Variants in RNF213 observed in about 807,000 individuals in gnomAD.
RNF213 encodes the protein ring finger protein 213, also known as E3 ubiquitin-protein ligase RNF213.
RNF213 carries 341 observed loss-of-function variants against 514.4 expected under a neutral mutation model. The ratio of observed to expected loss-of-function variants is 0.66; its 90% CI spans 0.61 to 0.73. The LOEUF (loss-of-function observed/expected upper bound fraction) is 0.73. Among genes scored for constraint, RNF213 ranks in the 30% least tolerant of loss-of-function variants. The pLI, the probability that RNF213 is intolerant of heterozygous loss-of-function variation, is 0.00. For synonymous variants in RNF213, 2,655 were observed against 2,658.2 expected, an observed-to-expected ratio of 1.00 and a Z score of 0.04; for missense variants, 5,767 against 6,615.6, an observed-to-expected ratio of 0.87 and a Z score of 4.45.
At chr17:80,298,294 C>T (rs1381459326) in intron 10 of RNF213, 27 bp from the exon 11 acceptor site, 1 of 1,612,142 alleles carries the variant, frequency 6.2e-7, no homozygotes, top group Non-Finnish European at 8.5e-7. Context: ...CAGCTCAGCT[C>T]ACTGCGGGAT....
At chr17:80,294,074 C>T (rs1245596239) in intron 8 of RNF213, among the ~76,000 whole-genome samples, 1 of 152,188 alleles carries the variant, frequency 6.6e-6, no homozygotes, top group South Asian at 2.1e-4. Context: ...CTTCACGTGG[C>T]CTCTGACCCT....
intron 57 of RNF213, 84 bp from the exon 58 acceptor site, chr17:80,382,895 A>T: frequency 1.2e-6 from 1 of 824,276 alleles, no homozygotes; most frequent in Non-Finnish European, 2.1e-6. Context: ...TATTTCTATT[A>T]AACACTTATT....
At position 80,294,273 on chromosome 17, in the gene RNF213, CTG is replaced by C. The variant is rs371342247; in HGVS notation, c.1472-443_1472-442del. Reference sequence around the variant, plus strand: ...GGCAGCCTGCACCTTCCTCCAGGGGCTGTGTCCCGTTCCTAGTACAGAGGAAA... The same window carrying C: ...GGCAGCCTGCACCTTCCTCCAGGGGCTGTCCCGTTCCTAGTACAGAGGAAA... On this transcript the variant is annotated intron_variant, in intron 8 of 67. Transcript: ENST00000582970. Among the ~76,000 whole-genome samples, 22 of 152,314 alleles carry C rather than the reference CTG, an allele frequency of 1.4e-4. No homozygotes were observed. The East Asian group carries it at 2.9e-3, about 20-fold the overall frequency.
intron 39 of RNF213, 120 bp from the exon 40 acceptor site, chr17:80,362,982 T>G: frequency 1.0e-6 from 1 of 966,254 alleles, no homozygotes. Context: ...CGGGACAGAA[T>G]AGCACACATG....
chr17:80,387,944 A>AT (rs2080304723), intron 63 of RNF213, among the ~76,000 whole-genome samples: 1 of 145,350 alleles, frequency 6.9e-6, no homozygotes, highest in Admixed American at 7.0e-5. Context: ...GAACTGTGAG[A>AT]GCCCATGGAT....
In RNF213 at chr17:80,354,067, G is replaced by A. The variant is rs1037621436; in HGVS notation, c.10627G>A (p.Ala3543Thr). 6 of 1,614,016 alleles carry A rather than the reference G, an allele frequency of 3.7e-6. No homozygotes were observed. The highest frequency in any genetic ancestry group is 3.3e-4 in the Middle Eastern group (2 of 6,062). Reference protein sequence around the residue: ...TRLLRSCVQSAVGMLRDQNES... With the variant: ...TRLLRSCVQSTVGMLRDQNES... ...GCTGCTGAGAAGCTGTGTGCAGAGC[G>A]CCGTGGGCATGCTCAGAGACCAGAA... is the stretch of plus-strand genomic sequence containing the variant. Residue 3543 changes from alanine (A) to threonine (T), a missense_variant, in exon 35 of 68, where the codon GCC (alanine) becomes ACC (threonine). Ala to Thr is a moderately conservative substitution (Grantham distance 58, BLOSUM62 0). Transcript: ENST00000582970.
intron 38 of RNF213, 80 bp downstream of exon 38, chr17:80,360,286 G>C: frequency 6.8e-7 from 1 of 1,475,350 alleles, no homozygotes; most frequent in Non-Finnish European, 9.3e-7. Context: ...GCAGATGGGT[G>C]GCTAGAATTG....
At chr17:80,293,614 G>T (rs1024834288) in intron 8 of RNF213, among the ~76,000 whole-genome samples, 3 of 151,902 alleles carry the variant, frequency 2.0e-5, no homozygotes, top group African/African-American at 7.2e-5. Context: ...ACGAGGTCAG[G>T]AGATCAAGAC....
intron 55 of RNF213, 120 bp downstream of exon 55, chr17:80,379,834 G>C: frequency 1.2e-6 from 1 of 821,624 alleles, no homozygotes. Flanking sequence ...ATGTGGGCCT[G>C]TGTCATATTG....
chr17:80,359,962 T>C, intron 37 of RNF213, 99 bp from the exon 38 acceptor site: 1 of 1,301,992 alleles, frequency 7.7e-7, no homozygotes, highest in Non-Finnish European at 1.1e-6. Flanking sequence ...CCCTTTGTTT[T>C]TGAGGTCTGA....
At position 80,393,577 on chromosome 17, in the gene RNF213, G is replaced by C; in HGVS notation, c.*79G>C. ...TCGTCTGCGGCGTGGACTTGATCATGGACTGGTGCCTTTGCATTCAGAAGG... is the reference window on the plus strand; with the variant it reads ...TCGTCTGCGGCGTGGACTTGATCATCGACTGGTGCCTTTGCATTCAGAAGG... On this transcript the variant is annotated 3_prime_UTR_variant, in exon 68 of 68. Transcript: ENST00000582970. 6.7e-7 allele frequency: 1 copy of C among 1,485,070 alleles called. No homozygotes were observed. The highest frequency in any genetic ancestry group is 9.3e-7 in the Non-Finnish European group (1 of 1,073,174). The allele number at this position is 1,485,070 out of a possible 1,614,324, so 92.0% of individuals were successfully genotyped here. A position where few individuals can be genotyped will look rare whatever the true frequency, so the allele number is the denominator to read the frequency against.
At chr17:80,287,483 C>T (rs1384631755) in intron 3 of RNF213, among the ~76,000 whole-genome samples, 1 of 152,192 alleles carries the variant, frequency 6.6e-6, no homozygotes, top group African/African-American at 2.4e-5. Context: ...TCCTGGGCGA[C>T]AGAGGGAGAC....
intron 3 of RNF213, among the ~76,000 whole-genome samples, chr17:80,281,526 TG>T (rs2044287456): frequency 4.0e-5 from 1 of 24,838 alleles, no homozygotes; most frequent in African/African-American, 1.3e-4. Flanking sequence ...AACACACACA[TG>T]CCCCACTCAT....
chr17:80,369,759 T>G lies in RNF213; in HGVS notation c.12326-9T>G. Reference sequence around the variant, plus strand: ...ATGCAGTGAGCTGCCTTTTTCTTTCTGGTTTAAGGACACTGTGAACACACA... The same window carrying G: ...ATGCAGTGAGCTGCCTTTTTCTTTCGGGTTTAAGGACACTGTGAACACACA... On this transcript the variant is annotated splice_polypyrimidine_tract_variant and intron_variant, in intron 45 of 67. Coordinates refer to ENST00000582970, the MANE Select transcript of RNF213 (RefSeq NM_001256071.3). 6.2e-7 allele frequency: 1 copy of G among 1,613,504 alleles called. No homozygotes were observed. The highest frequency in any genetic ancestry group is 1.7e-5 in the Admixed American group (1 of 60,024).
chr17:80,364,446 C>T lies in RNF213; in HGVS notation c.11764C>T (p.Arg3922Trp), dbSNP rs762914898. ...CTCTTTTGACAGAGCCCAGTGGAGT[C>T]GGATTTTCTCCACCGCACTCTTCGT... The part of the protein sequence containing the change: ...VIREVRAQWS[R>W]IFSTALFVEH... The change falls in exon 42 of 68, where the codon CGG becomes TGG. Residue 3922 changes from arginine (R) to tryptophan (W), a missense_variant. This residue lies in a region of RNF213 where 355 missense variants were observed against 358.0 expected (regional missense o/e 0.99). Transcript: ENST00000582970. The T allele has an allele frequency of 8.1e-6, 13 of 1,614,126 alleles. No homozygotes were observed. The highest frequency in any genetic ancestry group is 4.5e-5 in the East Asian group (2 of 44,888).
Position 80,273,326 on chromosome 17 carries a change from G to A in RNF213, c.183G>A (p.Pro61=), listed in dbSNP as rs146974744. The A allele has an allele frequency of 8.1e-6, 13 of 1,613,444 alleles. No homozygotes were observed. Among genetic ancestry groups the A allele is most frequent in the African/African-American group, 8.0e-5 (6 of 74,914 alleles). Residue 61 remains proline, a synonymous_variant, in exon 3 of 68, where the codon CCG becomes CCA. Coordinates refer to ENST00000582970, the MANE Select transcript of RNF213 (RefSeq NM_001256071.3). ...CGQELKEEGG[P]CLFPGSDSWQ... ...AGGAGCTGAAGGAGGAAGGGGGCCC[G>A]TGCTTGTTCCCGGGCTCAGACAGTT...
At chr17:80,337,506 C>G in intron 23 of RNF213, 80 bp from the exon 24 acceptor site, 1 of 1,497,036 alleles carries the variant, frequency 6.7e-7, no homozygotes, top group Non-Finnish European at 8.9e-7. Flanking sequence ...GAGGCAGAGG[C>G]GGGAGGCCGA....
intron 11 of RNF213, among the ~76,000 whole-genome samples, chr17:80,302,347 A>G (rs2045209760): frequency 1.3e-5 from 2 of 152,208 alleles, no homozygotes; most frequent in Non-Finnish European, 2.9e-5. Context: ...TGTACACATT[A>G]TACACTGTAT....
At chr17:80,363,017 T>G (rs2079112545) in intron 39 of RNF213, 85 bp from the exon 40 acceptor site, 3 of 1,279,938 alleles carry the variant, frequency 2.3e-6, no homozygotes, top group Non-Finnish European at 3.3e-6. Flanking sequence ...CTTTTATGGT[T>G]TTCCAATAGT....
Sources: gnomAD v4.1 joint callset for allele counts (sites outside exome capture counted in the v4.1 genomes callset) on GRCh38, gnomAD v4.1.1 for gene constraint, gnomAD v4.1.1 regional missense constraint, MANE v1.5 for transcripts, NCBI Gene and HGNC (gene_info 2026-07-23, HGNC 2026-07-21) for gene names.